TRANK1: variants seen among roughly 807,000 people sequenced by gnomAD.
TRANK1 encodes TPR and ankyrin repeat-containing protein 1.
A neutral mutation model predicts 266.0 loss-of-function variants in TRANK1; 198 were observed. The observed-to-expected ratio is 0.74, with a 90% CI of 0.66 to 0.84. The LOEUF (loss-of-function observed/expected upper bound fraction) is 0.84. TRANK1 is among the 40% of genes least tolerant of loss of function. TRANK1 has a pLI of 0.00. For synonymous variants in TRANK1, 1,396 were observed against 1,384.1 expected, an observed-to-expected ratio of 1.01 and a Z score of -0.19; for missense variants, 3,326 against 3,634.6, an observed-to-expected ratio of 0.92 and a Z score of 2.18.
chr3:36,894,916 C>A (rs772170567), intron 5 of TRANK1, among the ~76,000 whole-genome samples: 14 of 152,192 alleles, frequency 9.2e-5, no homozygotes, highest in Non-Finnish European at 1.5e-4. Context: ...TCACTGGGCA[C>A]TTAGAATATG....
intron 1 of TRANK1, among the ~76,000 whole-genome samples, chr3:36,936,884 C>T (rs763750866): frequency 3.9e-5 from 6 of 152,138 alleles, no homozygotes; most frequent in Non-Finnish European, 7.3e-5. Context: ...GGTGGATCAC[C>T]TGAGGTCAGA....
At chr3:36,868,723 T>C (rs946537805) in intron 9 of TRANK1, among the ~76,000 whole-genome samples, 3 of 152,252 alleles carry the variant, frequency 2.0e-5, no homozygotes, top group Non-Finnish European at 4.4e-5. Flanking sequence ...TCATAAATTT[T>C]CTAAGTATAT....
chr3:36,888,659 G>C (rs996683025), intron 8 of TRANK1, among the ~76,000 whole-genome samples: 1 of 152,152 alleles, frequency 6.6e-6, no homozygotes, highest in African/African-American at 2.4e-5. Flanking sequence ...TAACCCACCA[G>C]ACCAGAAGTC....
chr3:36,914,160 G>C (rs780834613), intron 1 of TRANK1, among the ~76,000 whole-genome samples: 2 of 151,638 alleles, frequency 1.3e-5, no homozygotes, highest in Non-Finnish European at 2.9e-5. Context: ...TTGAGACTGA[G>C]TCTCACTCTG....
At chr3:36,943,056 C>T (rs1197997080) in intron 1 of TRANK1, among the ~76,000 whole-genome samples, 1 of 151,844 alleles carries the variant, frequency 6.6e-6, no homozygotes, top group Non-Finnish European at 1.5e-5. Context: ...TGGCGCCCCA[C>T]CCCCGGCCCC....
At position 36,857,995 on chromosome 3, in the gene TRANK1, G is replaced by T. The variant is rs2079083273; in HGVS notation, c.1727C>A (p.Pro576His). 6.3e-7 allele frequency: 1 copy of T among 1,596,704 alleles called. No individual in the cohort carries two copies. Among genetic ancestry groups the T allele is most frequent in the Non-Finnish European group, 8.5e-7 (1 of 1,178,122 alleles). The part of the protein sequence containing the change: ...SHLLDLFWSN[P>H]TEFDYLNPNV... ...GGGGTTGAGGTAGTCGAATTCAGTG[G>T]GGTTGGACCAAAACAGATCCAACAG... The change falls in exon 13 of 24, where the codon CCC (proline) becomes CAC (histidine). Residue 576 changes from proline (P) to histidine (H), a missense_variant. Pro to His is a moderately conservative substitution (Grantham distance 77, BLOSUM62 -2). Coordinates refer to ENST00000645898, the MANE Select transcript of TRANK1 (RefSeq NM_001329998.2). The surrounding 1 kb of genome is among the most constrained non-coding windows in gnomAD (Gnocchi z 4.3).
chr3:36,839,659 G>A (rs1009248633), intron 18 of TRANK1, among the ~76,000 whole-genome samples: 38 of 152,184 alleles, frequency 2.5e-4, no homozygotes, highest in African/African-American at 8.0e-4. Context: ...CCTCAAAGAA[G>A]GGTTCCCACG....
intron 8 of TRANK1, among the ~76,000 whole-genome samples, chr3:36,882,378 G>T (rs2079543858): frequency 6.6e-6 from 1 of 152,158 alleles, no homozygotes; most frequent in Non-Finnish European, 1.5e-5. Context: ...GAATAGAACA[G>T]GAAGTTCAGC....
rs2079485854 is a variant in TRANK1 at position 36,879,912 on chromosome 3, AAATATATGTAAACATG to A, written c.908-5632_908-5617del. On this transcript the variant is annotated intron_variant, in intron 8 of 23. Coordinates refer to ENST00000645898, the MANE Select transcript of TRANK1 (RefSeq NM_001329998.2). ...AACATGCAAATATATGTAAACATGCAAATATATGTAAACATGCAAATATATGTAAACATGCAAATAT... is the reference window on the plus strand; with the variant it reads ...AACATGCAAATATATGTAAACATGCACAAATATATGTAAACATGCAAATAT... Among the ~76,000 whole-genome samples the A allele has an allele frequency of 7.0e-5, 5 of 71,810 alleles. 1 individual carries two copies. The highest frequency in any genetic ancestry group is 9.5e-5 in the Non-Finnish European group (4 of 42,176). 47.1% of individuals were successfully genotyped at this position (71,810 alleles called of 152,430 possible). A position where few individuals can be genotyped will look rare whatever the true frequency, so the allele number is the denominator to read the frequency against.
Position 36,828,212 on chromosome 3 carries a change from G to A in TRANK1, c.*63C>T, listed in dbSNP as rs919904247. On this transcript the variant is annotated 3_prime_UTR_variant, in exon 24 of 24. Coordinates refer to ENST00000645898, the MANE Select transcript of TRANK1 (RefSeq NM_001329998.2). ...CATTCTTTTTGTCTTCTGCCCCAGC[G>A]CTCAGAATTCTAAGTCAGAATGGAA... is the stretch of plus-strand genomic sequence containing the variant. 3.0e-5 allele frequency: 37 copies of A among 1,243,432 alleles called. No individual in the cohort carries two copies. Among genetic ancestry groups the A allele is most frequent in the Middle Eastern group, 4.0e-4 (2 of 4,960 alleles). 77.0% of individuals were successfully genotyped at this position (1,243,432 alleles called of 1,614,324 possible).
chr3:36,895,221 A>G (rs546459896), intron 5 of TRANK1, among the ~76,000 whole-genome samples: 1 of 152,268 alleles, frequency 6.6e-6, no homozygotes, highest in East Asian at 1.9e-4. Flanking sequence ...CAGGTCCTAC[A>G]ACCTCACTTA....
intron 12 of TRANK1, 46 bp from the exon 13 acceptor site, chr3:36,858,095 T>C: frequency 7.0e-7 from 1 of 1,429,248 alleles, no homozygotes; most frequent in Non-Finnish European, 9.2e-7. Context: ...CCACTCTTCT[T>C]AGGGGACAGC....
At chr3:36,844,815 G>A (rs35979223) in intron 17 of TRANK1, among the ~76,000 whole-genome samples, 3,410 of 152,036 alleles carry the variant, frequency 0.022, 72 homozygotes, top group South Asian at 0.072. Context: ...ACCAGAAATA[G>A]CCTCCAAACT....
chr3:36,833,099 C>T lies in TRANK1; in HGVS notation c.6484G>A (p.Asp2162Asn), dbSNP rs746773546. 1 of 1,612,112 alleles carries T rather than the reference C, an allele frequency of 6.2e-7. No homozygotes were observed. The highest frequency in any genetic ancestry group is 2.2e-5 in the East Asian group (1 of 44,848). The change falls in exon 22 of 24, where the codon GAC (aspartate) becomes AAC (asparagine). Residue 2162 changes from aspartate (D) to asparagine (N), a missense_variant. Coordinates refer to ENST00000645898, the MANE Select transcript of TRANK1 (RefSeq NM_001329998.2). ...KTKDHFLIMT[D>N]QVKLALNKHL... is the part of the protein sequence containing the mutation. ...TTGTTTAGGGCTAATTTCACTTGGT[C>T]AGTCATTATCAAAAAATGATCTTTT... is the stretch of plus-strand genomic sequence containing the variant.
rs1298383799 is a variant in TRANK1, at chr3:36,855,732, T to C, written c.3990A>G (p.Ile1330Met). The C allele has an allele frequency of 1.2e-6, 2 of 1,613,748 alleles. No homozygotes were observed. The highest frequency in any genetic ancestry group is 2.2e-5 in the East Asian group (1 of 44,856). Reference protein sequence around the residue: ...YVTFEVFKNEIWPKMTKGRTA... With the variant: ...YVTFEVFKNEMWPKMTKGRTA... ...TCCTCCCTTTGGTCATTTTGGGCCA[T>C]ATTTCATTTTTGAACACCTCAAACG... is the stretch of plus-strand genomic sequence containing the variant. The change falls in exon 13 of 24, where the codon ATA (isoleucine) becomes ATG (methionine). Residue 1330 changes from isoleucine to methionine, a missense_variant. By Grantham distance (10) the Ile-to-Met change is conservative. Coordinates refer to ENST00000645898, the MANE Select transcript of TRANK1 (RefSeq NM_001329998.2).
At chr3:36,838,321 C>A in intron 20 of TRANK1, 51 bp downstream of exon 20, 1 of 1,606,078 alleles carries the variant, frequency 6.2e-7, no homozygotes, top group Non-Finnish European at 8.5e-7. Flanking sequence ...CCTCAATCTG[C>A]TCAAGTGAAG....
chr3:36,837,876 T>C (rs1342641550), intron 20 of TRANK1, among the ~76,000 whole-genome samples: 1 of 152,180 alleles, frequency 6.6e-6, no homozygotes, highest in African/African-American at 2.4e-5. Flanking sequence ...ACTGAGGATG[T>C]GAATTTTTAA....
intron 18 of TRANK1, among the ~76,000 whole-genome samples, chr3:36,842,077 T>C (rs1383610773): frequency 6.6e-6 from 1 of 152,168 alleles, no homozygotes; most frequent in Non-Finnish European, 1.5e-5. Context: ...TTTCAAAATG[T>C]AAAGAGGTCT....
At chr3:36,861,703 A>ATT (rs1203567485) in intron 10 of TRANK1, among the ~76,000 whole-genome samples, 1 of 125,132 alleles carries the variant, frequency 8.0e-6, no homozygotes, top group Admixed American at 8.3e-5. Flanking sequence ...AGAGTAGAAA[A>ATT]CTTTTTTTTT....
Sources: allele counts gnomAD v4.1 joint callset (sites outside exome capture counted in the v4.1 genomes callset), GRCh38; gene constraint gnomAD v4.1.1; non-coding constraint Gnocchi (gnomAD v3.1); transcripts MANE v1.5; gene names NCBI Gene and HGNC (gene_info 2026-07-23, HGNC 2026-07-21).